ADAM11: variants seen among roughly 807,000 people sequenced by gnomAD.
The protein encoded by ADAM11 is disintegrin and metalloproteinase domain-containing protein 11.
In ADAM11, 49 loss-of-function variants were observed where a neutral mutation model predicts 119.1. That is an observed-to-expected ratio of 0.41 (90% CI 0.33 to 0.52). The LOEUF is 0.52. Ranked by LOEUF, ADAM11 falls within the 20% of genes least tolerant of loss-of-function variation. ADAM11 has a pLI of 0.20. For missense variants in ADAM11, 777 were observed against 1,047.5 expected (o/e 0.74, Z 3.56); for synonymous variants, 364 against 408.0 (o/e 0.89, Z 1.30).
Position 44,773,473 on chromosome 17 carries a change from A to C in ADAM11, c.992+46A>C. On this transcript the variant is annotated intron_variant, in intron 11 of 26. Transcript: ENST00000200557. The surrounding 1 kb of genome is among the most constrained non-coding windows in gnomAD (Gnocchi z 4.6). ...CTCCTGCCAGCCTCTGCTAGTTGCTACAGTGCTTGGGATTACTTAACACCT... is the reference window on the plus strand; with the variant it reads ...CTCCTGCCAGCCTCTGCTAGTTGCTCCAGTGCTTGGGATTACTTAACACCT... 4 of 1,595,816 alleles carry C rather than the reference A, an allele frequency of 2.5e-6. No homozygotes were observed. The South Asian group carries it at 3.4e-5, about 13-fold the overall frequency.
Position 44,775,616 on chromosome 17 carries a change from G to C in ADAM11, c.1425G>C (p.Lys475Asn). Residue 475 changes from lysine to asparagine, a missense_variant, in exon 17 of 27, where the codon AAG becomes AAC. Physicochemically the swap from Lys to Asn is moderately conservative, Grantham distance 94. Coordinates refer to ENST00000200557, the MANE Select transcript of ADAM11 (RefSeq NM_002390.6). This position sits in a 1 kb window ranked among gnomAD's most constrained non-coding sequence, Gnocchi z 7.5. ...GCCGCGCAGGTGGCAACTGCTGCAA[G>C]AAATGCACCCTGACTCACGACGCCA... ...ECSRAGGNCC[K>N]KCTLTHDAMC... is the part of the protein sequence containing the mutation. 1 of 1,590,590 alleles carries C rather than the reference G, an allele frequency of 6.3e-7. No individual in the cohort carries two copies. The highest frequency in any genetic ancestry group is 8.5e-7 in the Non-Finnish European group (1 of 1,169,618).
At chr17:44,763,455 A>G (rs990160828) in intron 2 of ADAM11, among the ~76,000 whole-genome samples, 4 of 152,158 alleles carry the variant, frequency 2.6e-5, no homozygotes, top group Admixed American at 2.0e-4. Context: ...TTGCTACTGC[A>G]CTCAACCCCC....
rs1214302883 is a variant in ADAM11 at position 44,781,020 on chromosome 17, A to G, written c.*1266A>G. 1 of 152,394 alleles carries G rather than the reference A, an allele frequency of 6.6e-6. No individual in the cohort carries two copies. Among genetic ancestry groups the G allele is most frequent in the Non-Finnish European group, 1.5e-5 (1 of 68,060 alleles). 9.4% of individuals were successfully genotyped at this position (152,394 alleles called of 1,614,324 possible). On this transcript the variant is annotated 3_prime_UTR_variant, in exon 27 of 27. Coordinates refer to ENST00000200557, the MANE Select transcript of ADAM11 (RefSeq NM_002390.6). ...CCTTCCCTCATGACCCTTGCTTGGG[A>G]GGGTGGAGCACTGGCTCCTTGACCC... is the stretch of plus-strand genomic sequence containing the variant.
rs777231511 is a variant in ADAM11 at position 44,769,898 on chromosome 17, G to A, written c.315-84G>A. Reference sequence around the variant, plus strand: ...CTGGGGGTTGGGCCTGGGCAGAGGGGACCTGGGTCCTGACCTGAGGCGAGC... The same window carrying A: ...CTGGGGGTTGGGCCTGGGCAGAGGGAACCTGGGTCCTGACCTGAGGCGAGC... On this transcript the variant is annotated intron_variant, in intron 3 of 26. Transcript: ENST00000200557. 1.9e-6 allele frequency: 3 copies of A among 1,605,974 alleles called. No individual in the cohort carries two copies. The Admixed American group carries it at 5.0e-5, about 27-fold the overall frequency.
At position 44,777,409 on chromosome 17, in the gene ADAM11, G is replaced by A; in HGVS notation, c.1782-73G>A. 1 of 1,563,916 alleles carries A rather than the reference G, an allele frequency of 6.4e-7. No individual in the cohort carries two copies. The highest frequency in any genetic ancestry group is 8.8e-7 in the Non-Finnish European group (1 of 1,137,832). On this transcript the variant is annotated intron_variant, in intron 21 of 26. Transcript: ENST00000200557. The surrounding 1 kb of genome is among the most constrained non-coding windows in gnomAD (Gnocchi z 5.1). ...CAAATGAGGTGGCAGGGTGCAGGGT[G>A]AGGGCAGATTAGAGTTCAGTAGTTG... is the stretch of plus-strand genomic sequence containing the variant.
At chr17:44,770,826 T>C (rs2049514521) in intron 4 of ADAM11, among the ~76,000 whole-genome samples, 1 of 152,174 alleles carries the variant, frequency 6.6e-6, no homozygotes, top group Non-Finnish European at 1.5e-5. Context: ...CCCCAGCAAA[T>C]GGCTAAGAAC....
At position 44,775,758 on chromosome 17, in the gene ADAM11, A is replaced by G. The variant is rs548100371; in HGVS notation, c.1485+82A>G. 1.6e-5 allele frequency: 22 copies of G among 1,368,446 alleles called. No individual in the cohort carries two copies. The African/African-American group carries it at 2.0e-4, about 13-fold the overall frequency. The allele number at this position is 1,368,446 out of a possible 1,614,324, so 84.8% of individuals were successfully genotyped here. A position where few individuals can be genotyped will look rare whatever the true frequency, so the allele number is the denominator to read the frequency against. ...TTCATATAAGGGGTGGGAGCTAGGG[A>G]GGGAAGCGGAGCCTTCGGGGACGAA... is the stretch of plus-strand genomic sequence containing the variant. On this transcript the variant is annotated intron_variant, in intron 17 of 26. Transcript: ENST00000200557. The surrounding 1 kb of genome is among the most constrained non-coding windows in gnomAD (Gnocchi z 7.5).
rs545135457 is a variant in ADAM11 at position 44,766,255 on chromosome 17, T to C, written c.238-3463T>C. ...GCGTGTGAAGGGCCGTGTCTGGAAG[T>C]GGTGGGGAGCAATGGTCTCCCTTCT... On this transcript the variant is annotated intron_variant, in intron 2 of 26. Transcript: ENST00000200557. Among the ~76,000 whole-genome samples the C allele has an allele frequency of 2.6e-5, 4 of 152,168 alleles. No individual in the cohort carries two copies. In the East Asian group the frequency reaches 5.8e-4, roughly 22 times the overall value.
chr17:44,777,210 A>G lies in ADAM11; in HGVS notation c.1726A>G (p.Thr576Ala), dbSNP rs764886620. The change falls in exon 21 of 27, where the codon ACG becomes GCG. Residue 576 changes from threonine to alanine, a missense_variant. This residue lies in a region of ADAM11 where 348 missense variants were observed against 486.7 expected (regional missense o/e 0.72). Coordinates refer to ENST00000200557, the MANE Select transcript of ADAM11 (RefSeq NM_002390.6). The surrounding 1 kb of genome is among the most constrained non-coding windows in gnomAD (Gnocchi z 5.1). The stretch of plus-strand genomic sequence containing the variant: ...CTACGAGAAGCTGAATGTGGAGGGG[A>G]CGGAGCGTGGGAGCTGTGGGCGCAA... ...FCYEKLNVEG[T>A]ERGSCGRKGS... 1 of 1,609,000 alleles carries G rather than the reference A, an allele frequency of 6.2e-7. No individual in the cohort carries two copies. The highest frequency in any genetic ancestry group is 1.1e-5 in the South Asian group (1 of 90,914).
At position 44,772,131 on chromosome 17, in the gene ADAM11, G is replaced by C. The variant is rs2049531408; in HGVS notation, c.544-136G>C. The C allele has an allele frequency of 1.1e-6, 1 of 889,626 alleles. No homozygotes were observed. Among genetic ancestry groups the C allele is most frequent in the East Asian group, 2.7e-5 (1 of 37,662 alleles). The allele number at this position is 889,626 out of a possible 1,614,324, so 55.1% of individuals were successfully genotyped here. A position where few individuals can be genotyped will look rare whatever the true frequency, so the allele number is the denominator to read the frequency against. Reference sequence around the variant, plus strand: ...CGGAATCTGAGCATCTGGGAGATCAGATCCGACATGGGAGCTGTGGCCAGT... The same window carrying C: ...CGGAATCTGAGCATCTGGGAGATCACATCCGACATGGGAGCTGTGGCCAGT... On this transcript the variant is annotated intron_variant, in intron 6 of 26. Transcript: ENST00000200557. This position sits in a 1 kb window ranked among gnomAD's most constrained non-coding sequence, Gnocchi z 4.5.
At chr17:44,765,987 C>T (rs1257787799) in intron 2 of ADAM11, among the ~76,000 whole-genome samples, 2 of 152,224 alleles carry the variant, frequency 1.3e-5, no homozygotes, top group African/African-American at 4.8e-5. Context: ...CCTTGCGATA[C>T]ATTTCCATTC....
Position 44,780,443 on chromosome 17 carries a change from G to A in ADAM11, c.*689G>A, listed in dbSNP as rs1207283491. 3.2e-6 allele frequency: 1 copy of A among 310,316 alleles called. No homozygotes were observed. The highest frequency in any genetic ancestry group is 2.3e-5 in the African/African-American group (1 of 44,418). The allele number at this position is 310,316 out of a possible 1,614,324, so 19.2% of individuals were successfully genotyped here. A position where few individuals can be genotyped will look rare whatever the true frequency, so the allele number is the denominator to read the frequency against. On this transcript the variant is annotated 3_prime_UTR_variant, in exon 27 of 27. Coordinates refer to ENST00000200557, the MANE Select transcript of ADAM11 (RefSeq NM_002390.6). ...GTGCTGATTCAAACCAAAGCTGCCT[G>A]TGCCATGCCCAAGGCCTAGGTTATG...
At chr17:44,769,418 T>C (rs2049489615) in intron 2 of ADAM11, among the ~76,000 whole-genome samples, 1 of 152,056 alleles carries the variant, frequency 6.6e-6, no homozygotes, top group Admixed American at 6.5e-5. Flanking sequence ...GGGCTGCCCC[T>C]CTCCATCCCA....
rs199564907 is a variant in ADAM11, at chr17:44,772,428, G to T, written c.640G>T (p.Ala214Ser). The change falls in exon 8 of 27, where the codon GCT (alanine) becomes TCT (serine). Residue 214 changes from alanine to serine, a missense_variant. Transcript: ENST00000200557. This position sits in a 1 kb window ranked among gnomAD's most constrained non-coding sequence, Gnocchi z 4.5. Reference protein sequence around the residue: ...GCLFAVPAQSAPPNRPRLRRK... With the variant: ...GCLFAVPAQSSPPNRPRLRRK... ...CCTGTTTGCTGTGCCTGCCCAGTCG[G>T]CTCCTCCAAACCGGCCGAGGCTGAG... 88 of 1,577,828 alleles carry T rather than the reference G, an allele frequency of 5.6e-5. No homozygotes were observed. In the Middle Eastern group the frequency reaches 1.4e-3, roughly 25 times the overall value.
intron 2 of ADAM11, among the ~76,000 whole-genome samples, chr17:44,765,610 C>CTTTTTTTTTTTTTTTTTTTT (rs748123040): frequency 4.0e-5 from 4 of 99,876 alleles, no homozygotes; most frequent in East Asian, 3.3e-4. Flanking sequence ...TTTCTTTTCT[C>CTTTTTTTTTTTTTTTTTTTT]TTTTTTTTTT....
rs2145254444 is a variant in ADAM11, at chr17:44,780,512, A to G, written c.*758A>G. On this transcript the variant is annotated 3_prime_UTR_variant, in exon 27 of 27. Coordinates refer to ENST00000200557, the MANE Select transcript of ADAM11 (RefSeq NM_002390.6). ...CCCAGATCGTCTCCAATTCGAAAACAACCGTCCTGCTGTCCCTGTCAGGAC... is the reference window on the plus strand; with the variant it reads ...CCCAGATCGTCTCCAATTCGAAAACGACCGTCCTGCTGTCCCTGTCAGGAC... 1 of 251,952 alleles carries G rather than the reference A, an allele frequency of 4.0e-6. No homozygotes were observed. Among genetic ancestry groups the G allele is most frequent in the African/African-American group, 2.4e-5 (1 of 42,518 alleles). 15.6% of individuals were successfully genotyped at this position (251,952 alleles called of 1,614,324 possible).
In ADAM11 at chr17:44,759,343, T is replaced by A. The variant is rs1350398656; in HGVS notation, c.61+83T>A. The A allele has an allele frequency of 4.6e-6, 6 of 1,306,840 alleles. No individual in the cohort carries two copies. In the South Asian group the frequency reaches 8.2e-5, roughly 18 times the overall value. The allele number at this position is 1,306,840 out of a possible 1,614,324, so 81.0% of individuals were successfully genotyped here. On this transcript the variant is annotated intron_variant, in intron 1 of 26. Coordinates refer to ENST00000200557, the MANE Select transcript of ADAM11 (RefSeq NM_002390.6). ...GGCGCTTGCTGCTGCAGCCACCTTT[T>A]CCTGCAGTGCTCGGGGTGACAGCCG... is the stretch of plus-strand genomic sequence containing the variant.
In ADAM11 at chr17:44,775,785, G is replaced by A; in HGVS notation, c.1485+109G>A. ...GGAAGCGGAGCCTTCGGGGACGAAG[G>A]CCTCTGGGGCAGGGCTTGATGCGAA... On this transcript the variant is annotated intron_variant, in intron 17 of 26. Coordinates refer to ENST00000200557, the MANE Select transcript of ADAM11 (RefSeq NM_002390.6). The surrounding 1 kb of genome is among the most constrained non-coding windows in gnomAD (Gnocchi z 7.5). The A allele has an allele frequency of 8.6e-7, 1 of 1,159,520 alleles. No individual in the cohort carries two copies. Among genetic ancestry groups the A allele is most frequent in the Non-Finnish European group, 1.2e-6 (1 of 832,112 alleles). 71.8% of individuals were successfully genotyped at this position (1,159,520 alleles called of 1,614,324 possible).
Position 44,776,299 on chromosome 17 carries a change from CCTCCT to C in ADAM11, c.1566+97_1566+101del. 7.4e-7 allele frequency: 1 copy of C among 1,351,404 alleles called. No homozygotes were observed. Among genetic ancestry groups the C allele is most frequent in the Non-Finnish European group, 1.0e-6 (1 of 953,836 alleles). The allele number at this position is 1,351,404 out of a possible 1,614,324, so 83.7% of individuals were successfully genotyped here. A position where few individuals can be genotyped will look rare whatever the true frequency, so the allele number is the denominator to read the frequency against. On this transcript the variant is annotated intron_variant, in intron 18 of 26. Transcript: ENST00000200557. This position sits in a 1 kb window ranked among gnomAD's most constrained non-coding sequence, Gnocchi z 5.2. ...TTCCCGGACGAGTGCTCAGCACTCCCCTCCTCTCCACAGCTGGCATCGACCTCCAC... is the reference window on the plus strand; with the variant it reads ...TTCCCGGACGAGTGCTCAGCACTCCCCTCCACAGCTGGCATCGACCTCCAC...
Sources: gnomAD v4.1 joint callset for allele counts (sites outside exome capture counted in the v4.1 genomes callset) on GRCh38, gnomAD v4.1.1 for gene constraint, gnomAD v4.1.1 regional missense constraint, Gnocchi (gnomAD v3.1) non-coding constraint, MANE v1.5 for transcripts, NCBI Gene and HGNC (gene_info 2026-07-23, HGNC 2026-07-21) for gene names.